Variants in MTA3 observed in about 807,000 individuals in gnomAD.
MTA3 encodes metastasis-associated protein MTA3.
A neutral mutation model predicts 83.5 loss-of-function variants in MTA3; 34 were observed. The observed-to-expected ratio is 0.41, with a 90% CI of 0.31 to 0.54. The LOEUF is 0.54. Among genes scored for constraint, MTA3 ranks in the 20% least tolerant of loss-of-function variants. The pLI is 0.33. For missense variants in MTA3, 761 were observed against 726.4 expected (o/e 1.05, Z -0.55); for synonymous variants, 303 against 252.7 (o/e 1.20, Z -1.89).
chr2:42,753,894 A>G lies in MTA3; in HGVS notation c.*495A>G. On this transcript the variant is annotated 3_prime_UTR_variant, in exon 17 of 17. Transcript: ENST00000405094. The stretch of plus-strand genomic sequence containing the variant: ...CGCCAGTGTTTATGAGGTTCAAGGT[A>G]TTTCCCTGTCCTTGCTGTTACCGTC... 1 of 986,808 alleles carries G rather than the reference A, an allele frequency of 1.0e-6. No individual in the cohort carries two copies. Among genetic ancestry groups the G allele is most frequent in the Non-Finnish European group, 1.2e-6 (1 of 831,134 alleles). The allele number at this position is 986,808 out of a possible 1,614,324, so 61.1% of individuals were successfully genotyped here. A position where few individuals can be genotyped will look rare whatever the true frequency, so the allele number is the denominator to read the frequency against.
intron 2 of MTA3, among the ~76,000 whole-genome samples, chr2:42,530,891 G>T (rs1337873735): frequency 6.6e-6 from 1 of 151,890 alleles, no homozygotes; most frequent in African/African-American, 2.4e-5. Context: ...GTGCAATGGC[G>T]CAATCTCAGC....
chr2:42,667,978 C>A (rs1277863241), intron 8 of MTA3, among the ~76,000 whole-genome samples: 1 of 152,160 alleles, frequency 6.6e-6, no homozygotes. Context: ...ATCTGTAGCT[C>A]ATGTATGATC....
At chr2:42,686,182 T>C (rs190774761) in intron 9 of MTA3, among the ~76,000 whole-genome samples, 152 of 152,364 alleles carry the variant, frequency 1.0e-3, no homozygotes, top group African/African-American at 3.1e-3. Context: ...CCCAAGTGAA[T>C]GCATATATTA....
chr2:42,597,420 G>A (rs1438040733), intron 3 of MTA3, among the ~76,000 whole-genome samples: 1 of 136,368 alleles, frequency 7.3e-6, no homozygotes, highest in Non-Finnish European at 1.6e-5. Flanking sequence ...GAGTCTTGCT[G>A]TGTTGGCCAG....
At chr2:42,568,600 C>T (rs1678059830), upstream of MTA3, 1 of 301,328 alleles carries the variant, frequency 3.3e-6, no homozygotes, top group Non-Finnish European at 5.6e-6. Flanking sequence ...TTCCCCCACC[C>T]CCTGTCCCCT....
At chr2:42,740,569 G>A (rs1668954927) in intron 16 of MTA3, among the ~76,000 whole-genome samples, 1 of 152,250 alleles carries the variant, frequency 6.6e-6, no homozygotes, top group African/African-American at 2.4e-5. Flanking sequence ...ATCCATCCTA[G>A]AATGGATAAT....
At chr2:42,591,714 G>C (rs193190914) in intron 3 of MTA3, among the ~76,000 whole-genome samples, 1 of 151,614 alleles carries the variant, frequency 6.6e-6, no homozygotes, top group Non-Finnish European at 1.5e-5. Flanking sequence ...GCAGTGGTGC[G>C]ATCTCAGCTC....
rs1445317386 is a variant in MTA3, at chr2:42,753,536, A to G, written c.*137A>G. 4.7e-6 allele frequency: 7 copies of G among 1,490,078 alleles called. No homozygotes were observed. The highest frequency in any genetic ancestry group is 3.9e-5 in the South Asian group (3 of 76,610). The allele number at this position is 1,490,078 out of a possible 1,614,324, so 92.3% of individuals were successfully genotyped here. A position where few individuals can be genotyped will look rare whatever the true frequency, so the allele number is the denominator to read the frequency against. ...CTCTGCGTGCATCCATGGAGACGCA[A>G]TGGGGCGGGGAAGGAACTGTGGGAG... is the stretch of plus-strand genomic sequence containing the variant. On this transcript the variant is annotated 3_prime_UTR_variant, in exon 17 of 17. Transcript: ENST00000405094.
chr2:42,676,486 C>G (rs975185984), intron 8 of MTA3, among the ~76,000 whole-genome samples: 1 of 152,194 alleles, frequency 6.6e-6, no homozygotes, highest in Non-Finnish European at 1.5e-5. Flanking sequence ...TTTCTTTTGG[C>G]TAGATGCAGT....
chr2:42,663,986 T>C (rs906613765), intron 8 of MTA3, among the ~76,000 whole-genome samples: 1 of 152,192 alleles, frequency 6.6e-6, no homozygotes, highest in Non-Finnish European at 1.5e-5. Flanking sequence ...AAGTGGTGTT[T>C]TGTCATGTTT....
intron 6 of MTA3, among the ~76,000 whole-genome samples, chr2:42,645,764 G>A (rs1397996977): frequency 1.3e-5 from 2 of 152,182 alleles, no homozygotes; most frequent in Admixed American, 1.3e-4. Context: ...TGGGGTTTAA[G>A]GAAAAAATTC....
At chr2:42,599,574 T>C (rs1381243823) in intron 3 of MTA3, among the ~76,000 whole-genome samples, 2 of 151,372 alleles carry the variant, frequency 1.3e-5, no homozygotes, top group Admixed American at 6.6e-5. Flanking sequence ...CGGGCGACAG[T>C]GTGAGACTCC....
At chr2:42,591,185 T>A (rs1680948191) in intron 3 of MTA3, among the ~76,000 whole-genome samples, 1 of 152,154 alleles carries the variant, frequency 6.6e-6, no homozygotes, top group Non-Finnish European at 1.5e-5. Context: ...TCTGTACACA[T>A]GTTATTGTAT....
At chr2:42,503,151 C>T (rs1362848473) in intron 2 of MTA3, among the ~76,000 whole-genome samples, 2 of 152,152 alleles carry the variant, frequency 1.3e-5, no homozygotes, top group African/African-American at 2.4e-5. Context: ...CAGGTGCTCC[C>T]AAGGGCTGCT....
intron 16 of MTA3, among the ~76,000 whole-genome samples, chr2:42,748,339 C>T (rs1007688589): frequency 1.3e-5 from 2 of 152,126 alleles, no homozygotes; most frequent in African/African-American, 4.8e-5. Flanking sequence ...GTTGGGATTA[C>T]AGGCGTGAGC....
In MTA3 at chr2:42,674,879, C is replaced by T. The variant is rs183951699; in HGVS notation, c.703-7522C>T. Among the ~76,000 whole-genome samples the T allele has an allele frequency of 6.6e-3, 1,001 of 151,568 alleles. 10 individuals carry two copies. The highest frequency in any genetic ancestry group is 0.022 in the African/African-American group (909 of 41,398). On this transcript the variant is annotated intron_variant, in intron 8 of 16. Coordinates refer to ENST00000405094, the MANE Select transcript of MTA3 (RefSeq NM_001330442.2). ...CCTCCCAAAGTGCTGGGATTAGAGG[C>T]GTGAGCTACTGCGCCTGGCCTAGTT...
Position 42,660,362 on chromosome 2 carries a change from C to G in MTA3, c.702+500C>G, listed in dbSNP as rs1689572654. ...TCGGCCTTCCGAAGTGCTGGGATTA[C>G]AGGCATGAGCCACCACACCCGGCCA... On this transcript the variant is annotated intron_variant, in intron 8 of 16. Transcript: ENST00000405094. Among the ~76,000 whole-genome samples, 3 of 152,326 alleles carry G rather than the reference C, an allele frequency of 2.0e-5. 1 individual carries two copies. The highest frequency in any genetic ancestry group is 1.5e-5 in the Non-Finnish European group (1 of 68,022).
chr2:42,636,281 C>G (rs555219290), intron 4 of MTA3, among the ~76,000 whole-genome samples: 1 of 152,218 alleles, frequency 6.6e-6, no homozygotes, highest in South Asian at 2.1e-4. Context: ...TGGCTCATGT[C>G]TATAATCCCA....
At position 42,660,716 on chromosome 2, in the gene MTA3, G is replaced by A. The variant is rs576201759; in HGVS notation, c.702+854G>A. ...CCAGTATTCATTACATGTAACAAAA[G>A]TTTCAATATTGTTTTCTAATGAAAT... On this transcript the variant is annotated intron_variant, in intron 8 of 16. Coordinates refer to ENST00000405094, the MANE Select transcript of MTA3 (RefSeq NM_001330442.2). Among the ~76,000 whole-genome samples, 5 of 152,086 alleles carry A rather than the reference G, an allele frequency of 3.3e-5. No homozygotes were observed. The South Asian group carries it at 1.0e-3, about 31-fold the overall frequency.
Sources: gnomAD v4.1 joint callset for allele counts (sites outside exome capture counted in the v4.1 genomes callset) on GRCh38, gnomAD v4.1.1 for gene constraint, MANE v1.5 for transcripts, NCBI Gene and HGNC (gene_info 2026-07-23, HGNC 2026-07-21) for gene names.